SLC44A5: variants seen among roughly 807,000 people sequenced by gnomAD.
SLC44A5 encodes solute carrier family 44 member 5, also known as choline transporter-like protein 5.
SLC44A5 carries 57 observed loss-of-function variants against 101.8 expected under a neutral mutation model. The ratio of observed to expected loss-of-function variants is 0.56; its 90% CI spans 0.45 to 0.70. SLC44A5 has a LOEUF of 0.70. Ranked by LOEUF, SLC44A5 falls within the 30% of genes least tolerant of loss-of-function variation. SLC44A5 has a pLI of 0.00. For synonymous variants in SLC44A5, 281 were observed against 290.9 expected (o/e 0.97, Z 0.35); for missense variants, 737 against 853.1 (o/e 0.86, Z 1.70).
chr1:75,422,411 T>C (rs919305477), intron 2 of SLC44A5, among the ~76,000 whole-genome samples: 1 of 152,184 alleles, frequency 6.6e-6, no homozygotes, highest in Non-Finnish European at 1.5e-5. Flanking sequence ...CAGTGAATAA[T>C]TGGCAACAAA....
intron 3 of SLC44A5, among the ~76,000 whole-genome samples, chr1:75,386,742 G>A (rs897574283): frequency 1.5e-4 from 23 of 151,054 alleles, no homozygotes; most frequent in South Asian, 4.2e-4. Flanking sequence ...AAAAGAGCCC[G>A]CATCGCCAAG....
At chr1:75,562,710 C>T (rs887414725) in intron 1 of SLC44A5, among the ~76,000 whole-genome samples, 4 of 151,990 alleles carry the variant, frequency 2.6e-5, no homozygotes, top group African/African-American at 9.7e-5. Flanking sequence ...ATATAATTTT[C>T]GTCTCTTAAG....
chr1:75,258,344 G>A (rs1254872800), intron 6 of SLC44A5, among the ~76,000 whole-genome samples: 2 of 152,140 alleles, frequency 1.3e-5, no homozygotes, highest in Non-Finnish European at 2.9e-5. Flanking sequence ...GGATGCTTGA[G>A]CTTCGTCAGG....
chr1:75,365,750 A>G (rs1226753835), intron 3 of SLC44A5, among the ~76,000 whole-genome samples: 1 of 151,964 alleles, frequency 6.6e-6, no homozygotes, highest in African/African-American at 2.4e-5. Flanking sequence ...GTTTGTTAAT[A>G]TTTTCTAGCA....
chr1:75,423,031 A>C lies in SLC44A5; in HGVS notation c.14-26410T>G, dbSNP rs373198064. Among the ~76,000 whole-genome samples, 39 of 152,326 alleles carry C rather than the reference A, an allele frequency of 2.6e-4. No individual in the cohort carries two copies. In the South Asian group the frequency reaches 7.9e-3, roughly 31 times the overall value. ...CTGCTCTCAAAATTCCCAAGGCTTAAGCTAGTTCCATTTATTGACATTAAA... is the reference window on the plus strand; with the variant it reads ...CTGCTCTCAAAATTCCCAAGGCTTACGCTAGTTCCATTTATTGACATTAAA... On this transcript the variant is annotated intron_variant, in intron 2 of 23. Coordinates refer to ENST00000370859, the MANE Select transcript of SLC44A5 (RefSeq NM_001130058.2).
Position 75,330,128 on chromosome 1 carries a change from C to CAT in SLC44A5, c.101+9453_101+9454insAT, listed in dbSNP as rs57429102. Among the ~76,000 whole-genome samples, 1,276 of 144,490 alleles carry CAT rather than the reference C, an allele frequency of 8.8e-3. 22 individuals are homozygous for CAT. The highest frequency in any genetic ancestry group is 0.033 in the African/African-American group (1,220 of 36,794). The allele number at this position is 144,490 out of a possible 152,430, so 94.8% of individuals were successfully genotyped here. A position where few individuals can be genotyped will look rare whatever the true frequency, so the allele number is the denominator to read the frequency against. On this transcript the variant is annotated intron_variant, in intron 4 of 23. Transcript: ENST00000370859. ...ATATACACACACACACACACACACA[C>CAT]ACACACACACACATGCATATACGTA...
In SLC44A5 at chr1:75,207,565, T is replaced by A. The variant is rs143707588; in HGVS notation, c.2048-3732A>T. Among the ~76,000 whole-genome samples the A allele has an allele frequency of 1.9e-3, 290 of 152,264 alleles. 1 individual carries two copies. The highest frequency in any genetic ancestry group is 6.7e-3 in the African/African-American group (277 of 41,554). On this transcript the variant is annotated intron_variant, in intron 23 of 23. Coordinates refer to ENST00000370859, the MANE Select transcript of SLC44A5 (RefSeq NM_001130058.2). ...ATAGTAGCTATAGTCTTGGGAATGGTTGGGTCATTGGTTTAGTAGATTTCT... is the reference window on the plus strand; with the variant it reads ...ATAGTAGCTATAGTCTTGGGAATGGATGGGTCATTGGTTTAGTAGATTTCT...
intron 2 of SLC44A5, among the ~76,000 whole-genome samples, chr1:75,419,616 C>A (rs1481093648): frequency 1.3e-5 from 2 of 151,896 alleles, no homozygotes. Flanking sequence ...AAAATAAGTT[C>A]TCTGTCAGAA....
intron 2 of SLC44A5, among the ~76,000 whole-genome samples, chr1:75,420,752 A>G (rs1663952646): frequency 6.6e-6 from 1 of 152,156 alleles, no homozygotes; most frequent in Non-Finnish European, 1.5e-5. Flanking sequence ...AATAATTACG[A>G]TAACTCAATA....
chr1:75,497,249 T>C (rs2101828323), intron 2 of SLC44A5, among the ~76,000 whole-genome samples: 1 of 152,176 alleles, frequency 6.6e-6, no homozygotes, highest in Admixed American at 6.5e-5. Flanking sequence ...GTCTATAGAC[T>C]GATGAATGGG....
At chr1:75,533,441 A>G (rs1670829561) in intron 2 of SLC44A5, among the ~76,000 whole-genome samples, 1 of 152,208 alleles carries the variant, frequency 6.6e-6, no homozygotes, top group African/African-American at 2.4e-5. Flanking sequence ...GGCTGTTGGA[A>G]TCAAAATGGA....
chr1:75,312,320 C>G (rs527529064), intron 4 of SLC44A5, among the ~76,000 whole-genome samples: 4 of 152,256 alleles, frequency 2.6e-5, no homozygotes, highest in Admixed American at 6.5e-5. Flanking sequence ...CAGACTAATA[C>G]AGCCAGTGTG....
At chr1:75,401,928 A>G (rs1352900478) in intron 2 of SLC44A5, among the ~76,000 whole-genome samples, 1 of 152,230 alleles carries the variant, frequency 6.6e-6, no homozygotes, top group Non-Finnish European at 1.5e-5. Context: ...ACAAAATTTC[A>G]AGAAAAATGT....
chr1:75,577,896 A>G (rs74407015), intron 1 of SLC44A5, among the ~76,000 whole-genome samples: 2,422 of 152,292 alleles, frequency 0.016, 75 homozygotes, highest in African/African-American at 0.056. Context: ...TACTCAGGAT[A>G]TTCATTTATG....
intron 2 of SLC44A5, among the ~76,000 whole-genome samples, chr1:75,432,945 C>T (rs538834782): frequency 7.1e-4 from 108 of 152,180 alleles, no homozygotes; most frequent in Non-Finnish European, 1.1e-3. Context: ...ATCTTCTGGA[C>T]CAAAGCAAAT....
intron 4 of SLC44A5, among the ~76,000 whole-genome samples, chr1:75,302,112 GTTTTTTTTTT>G (rs10684140): frequency 1.7e-5 from 1 of 60,138 alleles, no homozygotes; most frequent in African/African-American, 6.9e-5. Context: ...TAGTTTTTTT[GTTTTTTTTTT>G]TTTTTTTTTT....
At chr1:75,511,067 T>C (rs1416861711) in intron 2 of SLC44A5, among the ~76,000 whole-genome samples, 2 of 151,946 alleles carry the variant, frequency 1.3e-5, no homozygotes, top group Admixed American at 6.6e-5. Context: ...GACGTGAACC[T>C]GGGAGGCGGA....
chr1:75,624,728 C>T, the SLC44A5 span, among the ~76,000 whole-genome samples: 323 of 152,162 alleles, frequency 2.1e-3, no homozygotes, highest in African/African-American at 7.3e-3. Flanking sequence ...ACTGATGCTG[C>T]GGGTCCTCTG....
chr1:75,653,707 A>G, the SLC44A5 span, among the ~76,000 whole-genome samples: 1 of 152,284 alleles, frequency 6.6e-6, no homozygotes, highest in South Asian at 2.1e-4. Context: ...AAATATAACA[A>G]TTATTCTATC....
Sources: allele counts gnomAD v4.1 joint callset (sites outside exome capture counted in the v4.1 genomes callset), GRCh38; gene constraint gnomAD v4.1.1; transcripts MANE v1.5; gene names NCBI Gene and HGNC (gene_info 2026-07-23, HGNC 2026-07-21).